The following AK5 variants were observed in gnomAD, a reference collection of about 807,000 sequenced individuals.
AK5 encodes adenylate kinase 5.
In AK5, 27 loss-of-function variants were observed where a neutral mutation model predicts 69.5. The ratio of observed to expected loss-of-function variants is 0.39; its 90% CI spans 0.29 to 0.54. The LOEUF is 0.54. AK5 is among the 20% of genes least tolerant of loss of function. The pLI, the probability that AK5 is intolerant of heterozygous loss-of-function variation, is 0.71. For synonymous variants in AK5, 260 were observed against 244.4 expected (o/e 1.06, Z -0.60); for missense variants, 531 against 700.4 (o/e 0.76, Z 2.73).
At chr1:77,468,769 C>G (rs1414514034) in intron 8 of AK5, among the ~76,000 whole-genome samples, 1 of 152,200 alleles carries the variant, frequency 6.6e-6, no homozygotes, top group African/African-American at 2.4e-5. Flanking sequence ...TCCTCAAATA[C>G]TCTTTGCTAA....
chr1:77,299,858 T>C, intron 5 of AK5, among the ~76,000 whole-genome samples: 1 of 152,254 alleles, frequency 6.6e-6, no homozygotes, highest in African/African-American at 2.4e-5. Context: ...TTTTAATTGC[T>C]TTTTAAACAT....
intron 5 of AK5, among the ~76,000 whole-genome samples, chr1:77,321,071 A>C (rs1285812333): frequency 1.3e-5 from 2 of 152,342 alleles, no homozygotes; most frequent in East Asian, 3.9e-4. Flanking sequence ...AGAAAATCTA[A>C]AGAACAATAG....
chr1:77,305,038 G>T (rs1162340660), intron 5 of AK5, among the ~76,000 whole-genome samples: 1 of 152,126 alleles, frequency 6.6e-6, no homozygotes, highest in Non-Finnish European at 1.5e-5. Context: ...TTTAACTGGG[G>T]TGAGATGATA....
intron 6 of AK5, among the ~76,000 whole-genome samples, chr1:77,372,254 G>A (rs890169336): frequency 6.6e-6 from 1 of 151,958 alleles, no homozygotes; most frequent in African/African-American, 2.4e-5. Flanking sequence ...AACAAAAATT[G>A]CACAACAAAT....
chr1:77,465,050 G>C (rs1419067850), intron 8 of AK5, among the ~76,000 whole-genome samples: 1 of 152,154 alleles, frequency 6.6e-6, no homozygotes, highest in African/African-American at 2.4e-5. Flanking sequence ...TTGCTTCTCT[G>C]CTTCTCACTG....
chr1:77,547,078 C>T (rs1244200218), intron 13 of AK5, among the ~76,000 whole-genome samples: 1 of 152,144 alleles, frequency 6.6e-6, no homozygotes, highest in Non-Finnish European at 1.5e-5. Flanking sequence ...TTCCTGCATT[C>T]AGTAAATTTG....
chr1:77,494,864 C>T (rs1224252835), intron 10 of AK5, among the ~76,000 whole-genome samples: 1 of 151,696 alleles, frequency 6.6e-6, no homozygotes, highest in East Asian at 1.9e-4. Context: ...TCACTACAAG[C>T]TCCGCCTCCC....
chr1:77,499,034 A>T (rs934525209), intron 10 of AK5, among the ~76,000 whole-genome samples: 6 of 152,212 alleles, frequency 3.9e-5, no homozygotes, highest in African/African-American at 1.4e-4. Context: ...ACATTCTTGC[A>T]GTTGTCAACA....
intron 8 of AK5, among the ~76,000 whole-genome samples, chr1:77,429,211 CCCA>C (rs1557586648): frequency 6.6e-6 from 1 of 152,184 alleles, no homozygotes; most frequent in East Asian, 1.9e-4. Context: ...AGTTTACAAT[CCCA>C]CCAACAGTGT....
intron 7 of AK5, among the ~76,000 whole-genome samples, chr1:77,413,565 C>T (rs577742368): frequency 3.2e-4 from 49 of 152,278 alleles, no homozygotes; most frequent in Admixed American, 1.6e-3. Flanking sequence ...CATCTGGCTG[C>T]GTCACTCAAC....
chr1:77,510,022 G>T (rs1029138147), intron 10 of AK5, among the ~76,000 whole-genome samples: 6 of 152,342 alleles, frequency 3.9e-5, no homozygotes, highest in Middle Eastern at 3.4e-3. Flanking sequence ...GCAGATATGT[G>T]ACTTGATCAA....
chr1:77,440,741 C>T (rs1652271892), intron 8 of AK5, among the ~76,000 whole-genome samples: 1 of 151,386 alleles, frequency 6.6e-6, no homozygotes, highest in African/African-American at 2.4e-5. Flanking sequence ...AGTTCAGAGG[C>T]TCTTTTTTTT....
chr1:77,330,135 G>C (rs372929640), intron 5 of AK5, among the ~76,000 whole-genome samples: 3 of 152,166 alleles, frequency 2.0e-5, no homozygotes, highest in Admixed American at 2.0e-4. Context: ...AATGAAGAGA[G>C]GGAATGAGGT....
chr1:77,546,466 T>C (rs1659549515), intron 13 of AK5, among the ~76,000 whole-genome samples: 1 of 152,162 alleles, frequency 6.6e-6, no homozygotes, highest in Non-Finnish European at 1.5e-5. Flanking sequence ...TCCCAGCACT[T>C]TGGGAGGCCG....
intron 12 of AK5, among the ~76,000 whole-genome samples, chr1:77,528,820 G>T (rs1427482588): frequency 1.3e-5 from 2 of 152,338 alleles, no homozygotes; most frequent in African/African-American, 2.4e-5. Flanking sequence ...TGACTCTGGT[G>T]TGAACAGGCC....
intron 8 of AK5, among the ~76,000 whole-genome samples, chr1:77,437,421 A>T (rs765577771): frequency 7.2e-5 from 11 of 152,164 alleles, no homozygotes; most frequent in Non-Finnish European, 1.0e-4. Flanking sequence ...TAAACTTACC[A>T]GTTTATAAAA....
At chr1:77,554,540 A>C (rs185507794) in intron 13 of AK5, among the ~76,000 whole-genome samples, 2 of 152,318 alleles carry the variant, frequency 1.3e-5, no homozygotes, top group Admixed American at 1.3e-4. Flanking sequence ...GGCACGCCTC[A>C]TACAGGGCTC....
At chr1:77,303,930 G>A (rs530865295) in intron 5 of AK5, among the ~76,000 whole-genome samples, 12 of 152,264 alleles carry the variant, frequency 7.9e-5, no homozygotes, top group Non-Finnish European at 1.3e-4. Context: ...TTGGATACAG[G>A]TGTGCAGTGT....
At chr1:77,497,369 C>T (rs1025338090) in intron 10 of AK5, among the ~76,000 whole-genome samples, 11 of 152,234 alleles carry the variant, frequency 7.2e-5, no homozygotes, top group Admixed American at 5.9e-4. Context: ...ACAAACCCAC[C>T]GGAAGGAAGA....
Sources: gnomAD v4.1 joint callset for allele counts (sites outside exome capture counted in the v4.1 genomes callset) on GRCh38, gnomAD v4.1.1 for gene constraint, MANE v1.5 for transcripts, NCBI Gene and HGNC (gene_info 2026-07-23, HGNC 2026-07-21) for gene names.